The following SLC4A5 variants were observed in gnomAD, a reference collection of about 807,000 sequenced individuals.
SLC4A5 encodes electrogenic sodium bicarbonate cotransporter 4.
In SLC4A5, 96 loss-of-function variants were observed where a neutral mutation model predicts 120.4. That is an observed-to-expected ratio of 0.80 (90% CI 0.68 to 0.94). The LOEUF is 0.94. Among genes scored for constraint, SLC4A5 ranks in the 40% least tolerant of loss-of-function variants. SLC4A5 has a pLI of 0.00. For missense variants in SLC4A5, 1,259 were observed against 1,459.5 expected, an observed-to-expected ratio of 0.86 and a Z score of 2.24; for synonymous variants, 550 against 571.1, an observed-to-expected ratio of 0.96 and a Z score of 0.53.
intron 27 of SLC4A5, among the ~76,000 whole-genome samples, chr2:74,226,475 A>G (rs1005537756): frequency 1.3e-5 from 2 of 152,170 alleles, no homozygotes; most frequent in Non-Finnish European, 1.5e-5. Flanking sequence ...CCCTTGCTCA[A>G]GCTTTATATA....
chr2:74,246,470 T>C (rs577836381), intron 19 of SLC4A5, among the ~76,000 whole-genome samples: 4 of 152,322 alleles, frequency 2.6e-5, no homozygotes, highest in South Asian at 2.1e-4. Flanking sequence ...TGACAGTCCT[T>C]CTCTCATAAC....
intron 4 of SLC4A5, among the ~76,000 whole-genome samples, chr2:74,329,299 T>C (rs1409116565): frequency 2.3e-5 from 3 of 129,472 alleles, no homozygotes; most frequent in Admixed American, 7.6e-5. Context: ...TAGATAAAGA[T>C]AGTAAATTGG....
At chr2:74,231,445 G>A in intron 24 of SLC4A5, 137 bp from the exon 25 acceptor site, 1 of 704,430 alleles carries the variant, frequency 1.4e-6, no homozygotes, top group East Asian at 2.9e-5. Context: ...AGCTCTGCCT[G>A]GTTGCCTGAG....
chr2:74,276,041 C>A (rs887654616), intron 8 of SLC4A5, among the ~76,000 whole-genome samples: 8 of 152,170 alleles, frequency 5.3e-5, no homozygotes, highest in African/African-American at 1.9e-4. Context: ...GGGCTCCAAG[C>A]ACCCCACAGC....
At chr2:74,317,362 T>A (rs63232260) in intron 5 of SLC4A5, among the ~76,000 whole-genome samples, 46 of 150,090 alleles carry the variant, frequency 3.1e-4, no homozygotes, top group African/African-American at 9.5e-4. Flanking sequence ...GTTTTTTTTT[T>A]AAATGTTTTA....
intron 30 of SLC4A5, among the ~76,000 whole-genome samples, chr2:74,219,220 TTTGTGTGTG>T (rs1287937671): frequency 1.4e-4 from 14 of 99,510 alleles, no homozygotes; most frequent in Non-Finnish European, 2.5e-4. Flanking sequence ...TGTGTGTGTG[TTTGTGTGTG>T]TTTTCAAATG....
At chr2:74,231,198 C>T (rs1263862594) in intron 25 of SLC4A5, 38 bp downstream of exon 25, 15 of 1,582,612 alleles carry the variant, frequency 9.5e-6, no homozygotes, top group Non-Finnish European at 1.2e-5. Flanking sequence ...TCTGCTTTCT[C>T]AGGCAACGAG....
chr2:74,297,028 A>G (rs1266990618), intron 7 of SLC4A5, among the ~76,000 whole-genome samples: 3 of 151,990 alleles, frequency 2.0e-5, no homozygotes, highest in African/African-American at 7.3e-5. Flanking sequence ...TTTACTTCTC[A>G]TCTTAGGGTA....
rs146052916 is a variant in SLC4A5 at position 74,315,308 on chromosome 2, C to T, written c.-2-283G>A. 3.0e-3 allele frequency among the ~76,000 whole-genome samples: 455 copies of T among 152,022 alleles called. 1 individual carries two copies. The highest frequency in any genetic ancestry group is 0.011 in the African/African-American group (441 of 41,440). ...TACAAAAATTAGCCAGATGTGGTGG[C>T]ATTCACCTATAATCCCAGCTGCTAG... On this transcript the variant is annotated intron_variant, in intron 5 of 30. Coordinates refer to ENST00000394019, the Ensembl canonical transcript of SLC4A5.
chr2:74,263,366 G>A (rs1446263414), intron 10 of SLC4A5, among the ~76,000 whole-genome samples: 1 of 152,218 alleles, frequency 6.6e-6, no homozygotes, highest in Non-Finnish European at 1.5e-5. Flanking sequence ...GATTACAGGT[G>A]TGGGCCACCA....
chr2:74,268,457 G>A (rs1045239078), intron 8 of SLC4A5, among the ~76,000 whole-genome samples: 12 of 152,286 alleles, frequency 7.9e-5, no homozygotes, highest in African/African-American at 2.4e-4. Context: ...ACATCATTCT[G>A]AAGTCCTTCT....
At chr2:74,240,852 T>C (rs2103948469) in intron 20 of SLC4A5, among the ~76,000 whole-genome samples, 1 of 152,000 alleles carries the variant, frequency 6.6e-6, no homozygotes, top group South Asian at 2.1e-4. Flanking sequence ...GTCAATTGCC[T>C]AGGCAGGAAT....
intron 19 of SLC4A5, 38 bp downstream of exon 19, chr2:74,246,998 A>T: frequency 6.2e-7 from 1 of 1,604,630 alleles, no homozygotes; most frequent in South Asian, 1.1e-5. Context: ...CCGGTGGGGT[A>T]GGTGAGGGCC....
intron 11 of SLC4A5, among the ~76,000 whole-genome samples, chr2:74,260,250 G>A (rs182554956): frequency 2.6e-5 from 4 of 152,268 alleles, no homozygotes; most frequent in Admixed American, 6.5e-5. Context: ...CAGACCTATC[G>A]TGTCTCGGCT....
chr2:74,309,995 T>C (rs1017805741), intron 6 of SLC4A5, among the ~76,000 whole-genome samples: 3 of 152,186 alleles, frequency 2.0e-5, no homozygotes, highest in Non-Finnish European at 4.4e-5. Flanking sequence ...ATCTTTGATT[T>C]CTTTCATTAC....
intron 6 of SLC4A5, 39 bp downstream of exon 6, chr2:74,314,906 C>T (rs1159140276): frequency 6.5e-7 from 1 of 1,529,166 alleles, no homozygotes; most frequent in Non-Finnish European, 9.1e-7. Context: ...ATTCTCAGTG[C>T]CTCCTGAGAT....
chr2:74,264,953 C>T, intron 9 of SLC4A5, 151 bp downstream of exon 9: 2 of 841,692 alleles, frequency 2.4e-6, no homozygotes, highest in Middle Eastern at 3.8e-4. Context: ...TATGATCCTG[C>T]CCTGGGAGCA....
Position 74,233,571 on chromosome 2 carries a change from G to T in SLC4A5, c.2434-8C>A. 1 of 1,605,618 alleles carries T rather than the reference G, an allele frequency of 6.2e-7. No homozygotes were observed. Among genetic ancestry groups the T allele is most frequent in the Non-Finnish European group, 8.5e-7 (1 of 1,174,892 alleles). ...TCGGTCAGGCCGCGTTGGCTGAGTGGGAGCAAACAGAGAGGGGCCCTTTCC... is the reference window on the plus strand; with the variant it reads ...TCGGTCAGGCCGCGTTGGCTGAGTGTGAGCAAACAGAGAGGGGCCCTTTCC... On this transcript the variant is annotated splice_polypyrimidine_tract_variant and splice_region_variant and intron_variant, in intron 22 of 30. Transcript: ENST00000394019.
At chr2:74,229,151 G>A (rs1478210094) in intron 25 of SLC4A5, among the ~76,000 whole-genome samples, 1 of 113,254 alleles carries the variant, frequency 8.8e-6, no homozygotes, top group African/African-American at 3.4e-5. Context: ...GGCCATTCTG[G>A]TCTCAAACTA....
Sources: allele counts gnomAD v4.1 joint callset (sites outside exome capture counted in the v4.1 genomes callset), GRCh38; gene constraint gnomAD v4.1.1; transcripts MANE v1.5; gene names NCBI Gene and HGNC (gene_info 2026-07-23, HGNC 2026-07-21).